The following ROCK1 variants were observed in gnomAD, a reference collection of about 807,000 sequenced individuals.
The protein encoded by ROCK1 is rho-associated protein kinase 1.
A neutral mutation model predicts 196.8 loss-of-function variants in ROCK1; 36 were observed. The ratio of observed to expected loss-of-function variants is 0.18; its 90% CI spans 0.14 to 0.24. The LOEUF is 0.24. ROCK1 is among the 10% of genes least tolerant of loss of function. ROCK1 has a pLI of 1.00. For missense variants in ROCK1, 920 were observed against 1,562.0 expected (o/e 0.59, Z 6.93); for synonymous variants, 443 against 515.9 (o/e 0.86, Z 1.91).
chr18:20,987,227 G>T, intron 18 of ROCK1, 117 bp from the exon 19 acceptor site: 2 of 796,280 alleles, frequency 2.5e-6, no homozygotes, highest in Non-Finnish European at 4.0e-6. Context: ...TCTGGGACTT[G>T]AATAGAGCTA....
At chr18:20,966,284 T>A (rs1416510571) in intron 27 of ROCK1, among the ~76,000 whole-genome samples, 1 of 152,148 alleles carries the variant, frequency 6.6e-6, no homozygotes, top group African/African-American at 2.4e-5. Context: ...AAACCAAGAA[T>A]GAGGTTGTGT....
chr18:21,058,097 T>C (rs144664216), intron 2 of ROCK1, among the ~76,000 whole-genome samples: 174 of 152,288 alleles, frequency 1.1e-3, no homozygotes, highest in African/African-American at 4.1e-3. Flanking sequence ...TATATGAACT[T>C]GATTTTCTAA....
chr18:21,022,844 GTGTGTGTGTATATA>G (rs2035925398), intron 11 of ROCK1, among the ~76,000 whole-genome samples: 1 of 151,890 alleles, frequency 6.6e-6, no homozygotes, highest in Admixed American at 6.6e-5. Context: ...CAAAAATATG[GTGTGTGTGTATATA>G]TGTGTGTGTG....
intron 1 of ROCK1, among the ~76,000 whole-genome samples, chr18:21,071,180 GCTTTT>G (rs1338244547): frequency 2.8e-5 from 3 of 105,312 alleles, no homozygotes; most frequent in Non-Finnish European, 5.4e-5. Context: ...CATTTTTTCT[GCTTTT>G]TTTTTTTTTT....
At chr18:20,994,774 G>C (rs1307142030) in intron 16 of ROCK1, among the ~76,000 whole-genome samples, 1 of 152,056 alleles carries the variant, frequency 6.6e-6, no homozygotes, top group African/African-American at 2.4e-5. Context: ...CATTTACTCT[G>C]TCTGAAAAGA....
chr18:21,008,283 AG>A (rs1401713027), intron 13 of ROCK1, 89 bp from the exon 14 acceptor site: 20 of 987,168 alleles, frequency 2.0e-5, no homozygotes, highest in Non-Finnish European at 2.9e-5. Flanking sequence ...ACAAAAAACA[AG>A]AAAAAAAAAA....
rs1346874748 is a variant in ROCK1, at chr18:21,095,019, C to T, written c.93+15799G>A. Reference sequence around the variant, plus strand: ...GAGCCAAGACTGCGCCATTGCACTCCAGCCTGGGCAACAAGAGGGAAACTC... The same window carrying T: ...GAGCCAAGACTGCGCCATTGCACTCTAGCCTGGGCAACAAGAGGGAAACTC... On this transcript the variant is annotated intron_variant, in intron 1 of 32. Coordinates refer to ENST00000399799, the MANE Select transcript of ROCK1 (RefSeq NM_005406.3). Among the ~76,000 whole-genome samples the T allele has an allele frequency of 2.1e-5, 3 of 141,770 alleles. No homozygotes were observed. In the East Asian group the frequency reaches 6.1e-4, roughly 29 times the overall value. The allele number at this position is 141,770 out of a possible 152,430, so 93.0% of individuals were successfully genotyped here.
chr18:21,006,302 A>C, intron 16 of ROCK1, 49 bp downstream of exon 16: 1 of 1,437,012 alleles, frequency 7.0e-7, no homozygotes, highest in Non-Finnish European at 9.5e-7. Flanking sequence ...AAAATGTTAT[A>C]ATAAATTTCA....
At chr18:21,008,331 CA>C (rs2035786099) in intron 13 of ROCK1, 137 bp from the exon 14 acceptor site, 2 of 582,032 alleles carry the variant, frequency 3.4e-6, no homozygotes, top group East Asian at 6.6e-5. Flanking sequence ...GTTTCAAACG[CA>C]AATAGTATCT....
chr18:21,006,002 TTA>T (rs1039157016), intron 16 of ROCK1, among the ~76,000 whole-genome samples: 2 of 152,190 alleles, frequency 1.3e-5, no homozygotes, highest in Admixed American at 6.5e-5. Flanking sequence ...ATGGTAAATT[TTA>T]TGTTATATAT....
rs2035300282 is a variant in ROCK1, at chr18:20,959,180, A to T, written c.3512+660T>A. Among the ~76,000 whole-genome samples the T allele has an allele frequency of 3.2e-5, 2 of 63,490 alleles. 1 individual carries two copies. Among genetic ancestry groups the T allele is most frequent in the African/African-American group, 1.3e-4 (2 of 15,002 alleles). The allele number at this position is 63,490 out of a possible 152,430, so 41.7% of individuals were successfully genotyped here. A position where few individuals can be genotyped will look rare whatever the true frequency, so the allele number is the denominator to read the frequency against. Reference sequence around the variant, plus strand: ...TATTATATATTATATAATATATATAATATTATATATAATATATATAATACA... The same window carrying T: ...TATTATATATTATATAATATATATATTATTATATATAATATATATAATACA... On this transcript the variant is annotated intron_variant, in intron 29 of 32. Coordinates refer to ENST00000399799, the MANE Select transcript of ROCK1 (RefSeq NM_005406.3).
intron 22 of ROCK1, 47 bp from the exon 23 acceptor site, chr18:20,970,560 T>C: frequency 7.8e-7 from 1 of 1,277,444 alleles, no homozygotes; most frequent in Non-Finnish European, 1.1e-6. Flanking sequence ...ATTCAGTTCA[T>C]CCTTCCAACT....
chr18:21,060,707 C>T (rs1417245578), intron 2 of ROCK1, among the ~76,000 whole-genome samples: 4 of 151,848 alleles, frequency 2.6e-5, no homozygotes, highest in South Asian at 2.1e-4. Context: ...GGCATTGTGG[C>T]GCATGCCTGT....
chr18:20,956,226 AAAAAG>A (rs1357906822), intron 29 of ROCK1, among the ~76,000 whole-genome samples: 2 of 152,274 alleles, frequency 1.3e-5, no homozygotes, highest in African/African-American at 4.8e-5. Context: ...GAGACAGGAA[AAAAAG>A]AAAAGATAAG....
At chr18:21,054,515 C>A (rs2036230942) in intron 2 of ROCK1, among the ~76,000 whole-genome samples, 1 of 151,908 alleles carries the variant, frequency 6.6e-6, no homozygotes, top group Non-Finnish European at 1.5e-5. Flanking sequence ...GACAACCGAC[C>A]CTGAAAGTGG....
chr18:21,061,183 A>T (rs916120838), intron 2 of ROCK1, among the ~76,000 whole-genome samples: 12 of 150,864 alleles, frequency 8.0e-5, no homozygotes, highest in African/African-American at 2.7e-4. Flanking sequence ...GGTTTAATTG[A>T]TTCTCCTGCC....
At chr18:21,080,111 C>T (rs1280490772) in intron 1 of ROCK1, among the ~76,000 whole-genome samples, 1 of 152,044 alleles carries the variant, frequency 6.6e-6, no homozygotes, top group Non-Finnish European at 1.5e-5. Context: ...CGACTCGAGA[C>T]GAAGACCCTG....
intron 10 of ROCK1, among the ~76,000 whole-genome samples, chr18:21,025,624 C>G (rs1342178409): frequency 6.6e-6 from 1 of 152,142 alleles, no homozygotes; most frequent in African/African-American, 2.4e-5. Flanking sequence ...GTAATCCCAG[C>G]TACTCAGAGG....
intron 19 of ROCK1, among the ~76,000 whole-genome samples, chr18:20,985,099 C>CAA (rs1205721258): frequency 8.3e-6 from 1 of 120,292 alleles, no homozygotes. Flanking sequence ...ACTCTGTCTC[C>CAA]AAAAAAAAAA....
Sources: gnomAD v4.1 joint callset for allele counts (sites outside exome capture counted in the v4.1 genomes callset) on GRCh38, gnomAD v4.1.1 for gene constraint, MANE v1.5 for transcripts, NCBI Gene and HGNC (gene_info 2026-07-23, HGNC 2026-07-21) for gene names.